The following CAP2 variants were observed in gnomAD, a reference collection of about 807,000 sequenced individuals.
CAP2 encodes the protein adenylyl cyclase-associated protein 2.
In CAP2, 24 loss-of-function variants were observed where a neutral mutation model predicts 57.7. The observed-to-expected ratio is 0.42, with a 90% CI of 0.30 to 0.58. CAP2 has a LOEUF of 0.58. Ranked by LOEUF, CAP2 falls within the 20% of genes least tolerant of loss-of-function variation. CAP2 has a pLI of 0.22. For missense variants in CAP2, 501 were observed against 590.3 expected (o/e 0.85, Z 1.57); for synonymous variants, 194 against 207.2 (o/e 0.94, Z 0.55).
At chr6:17,442,228 G>C (rs986543210) in intron 3 of CAP2, among the ~76,000 whole-genome samples, 1 of 152,126 alleles carries the variant, frequency 6.6e-6, no homozygotes, top group Non-Finnish European at 1.5e-5. Flanking sequence ...ATTGCACTAG[G>C]GGAAGGAAAC....
chr6:17,444,145 A>G (rs1398112324), intron 3 of CAP2, among the ~76,000 whole-genome samples: 1 of 152,220 alleles, frequency 6.6e-6, no homozygotes, highest in Non-Finnish European at 1.5e-5. Flanking sequence ...ACAAGGTTCC[A>G]GAATTATGCT....
intron 1 of CAP2, among the ~76,000 whole-genome samples, chr6:17,416,171 C>T (rs978226315): frequency 1.0e-5 from 1 of 95,918 alleles, no homozygotes; most frequent in Non-Finnish European, 2.7e-5. Context: ...CTCTTTTAAA[C>T]ATGTTGGAGG....
intron 2 of CAP2, among the ~76,000 whole-genome samples, chr6:17,424,204 T>C (rs371789968): frequency 1.9e-4 from 29 of 152,164 alleles, no homozygotes; most frequent in African/African-American, 6.7e-4. Context: ...ATCAAGACCA[T>C]CCTGGCTAAC....
At chr6:17,460,526 G>A (rs1760690049) in intron 3 of CAP2, among the ~76,000 whole-genome samples, 1 of 152,166 alleles carries the variant, frequency 6.6e-6, no homozygotes, top group South Asian at 2.1e-4. Context: ...AAAAGTGTAA[G>A]TACTTATGTT....
chr6:17,434,383 C>G (rs1759819879), intron 3 of CAP2, among the ~76,000 whole-genome samples: 1 of 152,008 alleles, frequency 6.6e-6, no homozygotes, highest in Admixed American at 6.6e-5. Flanking sequence ...CCCGCACCAC[C>G]AAGCCCGGCT....
intron 1 of CAP2, among the ~76,000 whole-genome samples, chr6:17,413,551 T>C (rs1362008275): frequency 6.6e-6 from 1 of 152,176 alleles, no homozygotes; most frequent in Non-Finnish European, 1.5e-5. Context: ...TTGTGCCTAG[T>C]AGACAGTGGG....
In CAP2 at chr6:17,507,315, G is replaced by A. The variant is rs192296612; in HGVS notation, c.444+3G>A. 2.5e-5 allele frequency: 41 copies of A among 1,614,072 alleles called. No individual in the cohort carries two copies. The East Asian group carries it at 8.7e-4, about 34-fold the overall frequency. On this transcript the variant is annotated splice_donor_region_variant and intron_variant, in intron 5 of 12. Coordinates refer to ENST00000229922, the MANE Select transcript of CAP2 (RefSeq NM_006366.3). ...CTGCCCTTGGATGGATAGCTGTGGTGAGTCCAGGTGCAATGTTGCCTCTTC... is the reference window on the plus strand; with the variant it reads ...CTGCCCTTGGATGGATAGCTGTGGTAAGTCCAGGTGCAATGTTGCCTCTTC...
intron 3 of CAP2, among the ~76,000 whole-genome samples, chr6:17,441,685 A>G (rs1760078341): frequency 6.6e-6 from 1 of 152,094 alleles, no homozygotes; most frequent in Non-Finnish European, 1.5e-5. Context: ...GCGTTTCACC[A>G]TGTTGCTCAG....
intron 1 of CAP2, among the ~76,000 whole-genome samples, chr6:17,397,871 T>G (rs188473394): frequency 2.4e-4 from 37 of 152,048 alleles, no homozygotes; most frequent in African/African-American, 8.0e-4. Flanking sequence ...CCATGTGTCT[T>G]GGCACACATG....
chr6:17,493,768 G>C (rs528537317), intron 4 of CAP2, among the ~76,000 whole-genome samples: 1 of 144,136 alleles, frequency 6.9e-6, no homozygotes, highest in South Asian at 2.2e-4. Context: ...CTGAGCTGAG[G>C]AGGGGGCAAA....
chr6:17,473,184 A>G (rs553312166), intron 4 of CAP2, among the ~76,000 whole-genome samples: 1 of 152,330 alleles, frequency 6.6e-6, no homozygotes, highest in African/African-American at 2.4e-5. Context: ...AAAGGTTAAT[A>G]AAGAAGGATA....
rs199745384 is a variant in CAP2 at position 17,426,642 on chromosome 6, C to T, written c.174C>T (p.Ala58=). 7 of 1,613,940 alleles carry T rather than the reference C, an allele frequency of 4.3e-6. No individual in the cohort carries two copies. The Admixed American group carries it at 5.0e-5, about 12-fold the overall frequency. ...AFDKLMDSMV[A]EFLKNSRILA... Reference sequence around the variant, plus strand: ...ACAAGCTGATGGACAGTATGGTGGCCGAGTTTTTAAAGAACAGTAGGATCC... The same window carrying T: ...ACAAGCTGATGGACAGTATGGTGGCTGAGTTTTTAAAGAACAGTAGGATCC... Residue 58 remains alanine, a synonymous_variant, in exon 3 of 13, where the codon GCC becomes GCT. Coordinates refer to ENST00000229922, the MANE Select transcript of CAP2 (RefSeq NM_006366.3).
intron 2 of CAP2, among the ~76,000 whole-genome samples, chr6:17,423,927 A>C (rs1759509858): frequency 6.6e-6 from 1 of 152,194 alleles, no homozygotes; most frequent in Admixed American, 6.5e-5. Context: ...CATCCTTAAA[A>C]CATTTTACTA....
intron 1 of CAP2, among the ~76,000 whole-genome samples, chr6:17,404,914 C>G (rs1758916311): frequency 6.6e-6 from 1 of 152,100 alleles, no homozygotes; most frequent in Non-Finnish European, 1.5e-5. Context: ...TTTGGAGGCA[C>G]TCACCAGAAG....
intron 4 of CAP2, 35 bp downstream of exon 4, chr6:17,463,108 G>C: frequency 6.9e-7 from 1 of 1,444,258 alleles, no homozygotes. Context: ...GGTGTCCCAG[G>C]GTATGCGCAG....
At position 17,463,069 on chromosome 6, in the gene CAP2, AC is replaced by A; in HGVS notation, c.297del (p.His99GlnfsTer9). The A allele has an allele frequency of 6.2e-7, 1 of 1,610,742 alleles. No individual in the cohort carries two copies. The highest frequency in any genetic ancestry group is 1.1e-5 in the South Asian group (1 of 90,968). ...ATGGCCTCTCAGTACCAACAACCCC[AC>A]GAGGTAAGAGAGTGTCCTGAGAGGG... ...LLMASQYQQP[H>X]ENDVAALLKP... On this transcript the variant is annotated frameshift_variant, in exon 4 of 13. Transcript: ENST00000229922. LOFTEE classifies it high-confidence loss of function.
intron 1 of CAP2, among the ~76,000 whole-genome samples, chr6:17,405,700 TGTTTA>T (rs772207347): frequency 4.6e-5 from 7 of 152,172 alleles, no homozygotes; most frequent in Non-Finnish European, 1.0e-4. Flanking sequence ...TCTTTTGTTT[TGTTTA>T]TTTATTATTT....
At chr6:17,504,447 A>G (rs1293321217) in intron 4 of CAP2, among the ~76,000 whole-genome samples, 1 of 152,158 alleles carries the variant, frequency 6.6e-6, no homozygotes, top group Non-Finnish European at 1.5e-5. Context: ...ACCTTTCCCT[A>G]GTCTTATTGG....
chr6:17,496,039 GTAAGTC>G, intron 4 of CAP2, among the ~76,000 whole-genome samples: 1 of 129,370 alleles, frequency 7.7e-6, no homozygotes, highest in East Asian at 2.7e-4. Context: ...GGGGGGGGGG[GTAAGTC>G]AGGGAAAACA....
Sources: allele counts gnomAD v4.1 joint callset (sites outside exome capture counted in the v4.1 genomes callset), GRCh38; gene constraint gnomAD v4.1.1; transcripts MANE v1.5; gene names NCBI Gene and HGNC (gene_info 2026-07-23, HGNC 2026-07-21).